Variants in DNAH14 observed in about 807,000 individuals in gnomAD.
DNAH14 encodes dynein axonemal heavy chain 14.
Under a neutral mutation model 520.9 loss-of-function variants are expected in DNAH14, and 478 were observed. The ratio of observed to expected loss-of-function variants is 0.92; its 90% CI spans 0.85 to 0.99. DNAH14 has a LOEUF of 0.99. Among genes scored for constraint, DNAH14 ranks in the 50% least tolerant of loss-of-function variants. DNAH14 has a pLI of 0.00. For missense variants in DNAH14, 4,831 were observed against 5,234.5 expected, an observed-to-expected ratio of 0.92 and a Z score of 2.38; for synonymous variants, 1,581 against 1,757.2, an observed-to-expected ratio of 0.90 and a Z score of 2.51.
At chr1:225,297,715 C>G in intron 55 of DNAH14, among the ~76,000 whole-genome samples, 1 of 152,188 alleles carries the variant, frequency 6.6e-6, no homozygotes, top group East Asian at 1.9e-4. Flanking sequence ...TGGAGGTGGG[C>G]TCACCAGGCT....
At chr1:225,300,727 G>A (rs897608707) in intron 55 of DNAH14, 142 bp from the exon 56 acceptor site, 18 of 823,970 alleles carry the variant, frequency 2.2e-5, no homozygotes, top group Non-Finnish European at 3.3e-5. Flanking sequence ...GGGGGGTGGG[G>A]GAGATTAGCT....
At chr1:225,086,814 A>G (rs2073858902) in intron 21 of DNAH14, among the ~76,000 whole-genome samples, 1 of 152,240 alleles carries the variant, frequency 6.6e-6, no homozygotes, top group African/African-American at 2.4e-5. Context: ...CAGGAAATGT[A>G]AGCTAATTTT....
intron 15 of DNAH14, among the ~76,000 whole-genome samples, chr1:225,046,896 A>G (rs2148267237): frequency 6.6e-6 from 1 of 152,220 alleles, no homozygotes; most frequent in Non-Finnish European, 1.5e-5. Flanking sequence ...GCCCTTCAAT[A>G]TACCTCCATC....
chr1:225,374,917 C>A lies in DNAH14; in HGVS notation c.12516+32C>A. On this transcript the variant is annotated intron_variant, in intron 78 of 85. Transcript: ENST00000682510. Reference sequence around the variant, plus strand: ...AAAGAATCAATCTTCTTGCATTTCTCGATAATTTTAAAGTAAACATTGTTG... The same window carrying A: ...AAAGAATCAATCTTCTTGCATTTCTAGATAATTTTAAAGTAAACATTGTTG... 1.3e-5 allele frequency: 19 copies of A among 1,471,840 alleles called. No homozygotes were observed. In the South Asian group the frequency reaches 1.5e-4, roughly 12 times the overall value. The allele number at this position is 1,471,840 out of a possible 1,614,324, so 91.2% of individuals were successfully genotyped here.
chr1:225,306,934 G>A lies in DNAH14; in HGVS notation c.9006-527G>A, dbSNP rs527374592. On this transcript the variant is annotated intron_variant, in intron 58 of 85. Transcript: ENST00000682510. Reference sequence around the variant, plus strand: ...CCAGTTTCCCAGGGGTAGATATGGGGGGAGAAAAAGCAAGAAGGGTTAATT... The same window carrying A: ...CCAGTTTCCCAGGGGTAGATATGGGAGGAGAAAAAGCAAGAAGGGTTAATT... Among the ~76,000 whole-genome samples, 5 of 151,920 alleles carry A rather than the reference G, an allele frequency of 3.3e-5. No individual in the cohort carries two copies. The East Asian group carries it at 9.7e-4, about 29-fold the overall frequency.
intron 77 of DNAH14, among the ~76,000 whole-genome samples, chr1:225,369,192 A>G (rs948642128): frequency 2.6e-5 from 4 of 152,142 alleles, no homozygotes; most frequent in African/African-American, 7.2e-5. Context: ...AAAGGGAGAG[A>G]AAAAACAAAG....
intron 61 of DNAH14, among the ~76,000 whole-genome samples, chr1:225,319,695 T>G (rs1014023079): frequency 6.6e-6 from 1 of 152,192 alleles, no homozygotes; most frequent in Non-Finnish European, 1.5e-5. Context: ...AGCAAATATC[T>G]TGAGCACACA....
intron 23 of DNAH14, among the ~76,000 whole-genome samples, chr1:225,112,690 C>T (rs746570016): frequency 1.3e-5 from 2 of 151,576 alleles, no homozygotes; most frequent in Non-Finnish European, 2.9e-5. Flanking sequence ...TTTCTGATGC[C>T]TCATCTGTAT....
chr1:225,053,680 T>C (rs2068764035), intron 17 of DNAH14, among the ~76,000 whole-genome samples: 1 of 152,164 alleles, frequency 6.6e-6, no homozygotes, highest in Non-Finnish European at 1.5e-5. Context: ...ATTGACTGAA[T>C]GTAAGGTATA....
At chr1:224,987,515 C>T (rs2062724828) in intron 8 of DNAH14, among the ~76,000 whole-genome samples, 1 of 152,156 alleles carries the variant, frequency 6.6e-6, no homozygotes, top group South Asian at 2.1e-4. Flanking sequence ...AAGAACTTGA[C>T]AACTGGCATC....
At chr1:225,053,920 T>C (rs1465683137) in intron 17 of DNAH14, among the ~76,000 whole-genome samples, 1 of 152,196 alleles carries the variant, frequency 6.6e-6, no homozygotes, top group Non-Finnish European at 1.5e-5. Flanking sequence ...TGACAATGCC[T>C]TGTTTATGTG....
chr1:225,100,688 A>G (rs1384825453), intron 22 of DNAH14, 25 bp from the exon 23 acceptor site: 1 of 1,466,012 alleles, frequency 6.8e-7, no homozygotes, highest in Non-Finnish European at 9.0e-7. Context: ...AAAAAATAAA[A>G]TGACATCTAA....
intron 38 of DNAH14, among the ~76,000 whole-genome samples, chr1:225,201,873 CTTTTTT>C (rs35342713): frequency 1.6e-5 from 2 of 122,548 alleles, no homozygotes; most frequent in African/African-American, 6.7e-5. Context: ...TTCTTTCTTC[CTTTTTT>C]TTTTTTTTTT....
chr1:225,065,390 G>A (rs923272136), intron 17 of DNAH14, among the ~76,000 whole-genome samples: 9 of 151,126 alleles, frequency 6.0e-5, no homozygotes, highest in African/African-American at 1.7e-4. Context: ...ATTTTGAAAT[G>A]CACAGTACAC....
At chr1:225,235,072 C>T (rs1200230597) in intron 42 of DNAH14, among the ~76,000 whole-genome samples, 2 of 152,110 alleles carry the variant, frequency 1.3e-5, no homozygotes. Context: ...CCTGAACTTC[C>T]AATACTATGT....
At chr1:225,092,482 A>G (rs1232604057) in intron 21 of DNAH14, among the ~76,000 whole-genome samples, 1 of 152,146 alleles carries the variant, frequency 6.6e-6, no homozygotes, top group African/African-American at 2.4e-5. Flanking sequence ...TTTGAAACTA[A>G]TGAGAACAAA....
rs534276777 is a variant in DNAH14 at position 225,171,531 on chromosome 1, A to G, written c.5535+3503A>G. ...CCTTGAAAATCTAGAAGAAATGGAA[A>G]AATTTCTCGACACATACACCCTCCC... On this transcript the variant is annotated intron_variant, in intron 36 of 85. Transcript: ENST00000682510. Among the ~76,000 whole-genome samples the G allele has an allele frequency of 3.3e-5, 5 of 152,322 alleles. No individual in the cohort carries two copies. The South Asian group carries it at 1.0e-3, about 32-fold the overall frequency.
intron 36 of DNAH14, among the ~76,000 whole-genome samples, chr1:225,180,963 C>T (rs763930964): frequency 1.6e-4 from 25 of 152,116 alleles, no homozygotes; most frequent in Non-Finnish European, 3.1e-4. Flanking sequence ...ATTTTTTCAA[C>T]CCTTGCTCCC....
At chr1:225,264,296 T>C in intron 47 of DNAH14, 35 bp downstream of exon 47, 1 of 1,483,794 alleles carries the variant, frequency 6.7e-7, no homozygotes, top group Non-Finnish European at 9.1e-7. Context: ...AGCTATGCTA[T>C]GTTTCAAAAC....
Sources: gnomAD v4.1 joint callset for allele counts (sites outside exome capture counted in the v4.1 genomes callset) on GRCh38, gnomAD v4.1.1 for gene constraint, MANE v1.5 for transcripts, NCBI Gene and HGNC (gene_info 2026-07-23, HGNC 2026-07-21) for gene names.